Variants in PEX2 observed in about 807,000 individuals in gnomAD.
PEX2 encodes peroxisomal biogenesis factor 2.
In PEX2, 19 loss-of-function variants were observed where a neutral mutation model predicts 25.2. That is an observed-to-expected ratio of 0.75 (90% CI 0.53 to 1.10). PEX2 has a LOEUF of 1.10. Ranked by LOEUF, PEX2 falls within the 50% of genes least tolerant of loss-of-function variation. The pLI is 0.00. For missense variants in PEX2, 347 were observed against 350.6 expected, an observed-to-expected ratio of 0.99 and a Z score of 0.08; for synonymous variants, 141 against 127.7, an observed-to-expected ratio of 1.10 and a Z score of -0.70.
At chr8:76,999,575 T>C (rs1389923537) in intron 1 of PEX2, among the ~76,000 whole-genome samples, 1 of 152,254 alleles carries the variant, frequency 6.6e-6, no homozygotes, top group Non-Finnish European at 1.5e-5. Context: ...AAATTTTTTG[T>C]ACTACATATA....
Position 76,983,596 on chromosome 8 carries a change from G to A in PEX2, c.583C>T (p.Leu195Phe). 1 of 1,614,106 alleles carries A rather than the reference G, an allele frequency of 6.2e-7. No individual in the cohort carries two copies. The highest frequency in any genetic ancestry group is 8.5e-7 in the Non-Finnish European group (1 of 1,179,994). The stretch of plus-strand genomic sequence containing the variant: ...AATTCAGCAAAACCATGCCAGAGAA[G>A]TTCCCTATTCATGTATTCAAAGCCA... ...EVGFEYMNRELLWHGFAEFLI... is the reference protein window; with the variant it reads ...EVGFEYMNREFLWHGFAEFLI... Residue 195 changes from leucine to phenylalanine, a missense_variant, in exon 4 of 4, where the codon CTT becomes TTT. By Grantham distance (22) the Leu-to-Phe change is conservative. Transcript: ENST00000357039.
chr8:76,989,091 G>A (rs1034173673), intron 1 of PEX2, among the ~76,000 whole-genome samples: 11 of 151,742 alleles, frequency 7.2e-5, no homozygotes, highest in Admixed American at 3.9e-4. Context: ...ACGCAGGAGA[G>A]TTGCTTGAGT....
chr8:76,993,031 C>T (rs1807219222), intron 1 of PEX2, among the ~76,000 whole-genome samples: 1 of 152,156 alleles, frequency 6.6e-6, no homozygotes, highest in Non-Finnish European at 1.5e-5. Flanking sequence ...ATGAGTTGCA[C>T]CATGAGCTAC....
At position 76,980,446 on chromosome 8, in the gene PEX2, TAAG is replaced by T. The variant is rs1036793147; in HGVS notation, c.*2812_*2814del. On this transcript the variant is annotated 3_prime_UTR_variant, in exon 4 of 4. Coordinates refer to ENST00000357039, the MANE Select transcript of PEX2 (RefSeq NM_000318.3). ...AGAGATCTGCCAGCATCCACCCTTCTAAGAACACCTCAGTTTCCTGTGGTGAAC... is the reference window on the plus strand; with the variant it reads ...AGAGATCTGCCAGCATCCACCCTTCTAACACCTCAGTTTCCTGTGGTGAAC... The T allele has an allele frequency of 1.3e-5, 2 of 152,198 alleles. No homozygotes were observed. The highest frequency in any genetic ancestry group is 4.8e-5 in the African/African-American group (2 of 41,438). 9.4% of individuals were successfully genotyped at this position (152,198 alleles called of 1,614,324 possible).
In PEX2 at chr8:76,983,955, G is replaced by T. The variant is rs746486546; in HGVS notation, c.224C>A (p.Thr75Lys). 1 of 1,614,106 alleles carries T rather than the reference G, an allele frequency of 6.2e-7. No homozygotes were observed. The highest frequency in any genetic ancestry group is 1.1e-5 in the South Asian group (1 of 91,076). The part of the protein sequence containing the change: ...WRFTIYSKNA[T>K]VGQSVLNIKY... ...AATATTCAAAACTGACTGTCCCACTGTGGCATTTTTGGAGTAGATGGTGAA... is the reference window on the plus strand; with the variant it reads ...AATATTCAAAACTGACTGTCCCACTTTGGCATTTTTGGAGTAGATGGTGAA... The change falls in exon 4 of 4, where the codon ACA (threonine) becomes AAA (lysine). Residue 75 changes from threonine (T) to lysine (K), a missense_variant. Physicochemically the swap from Thr to Lys is moderately conservative, Grantham distance 78 (BLOSUM62 -1). Transcript: ENST00000357039.
chr8:76,995,646 T>C lies in PEX2; in HGVS notation c.-160+4344A>G, dbSNP rs374277724. Among the ~76,000 whole-genome samples the C allele has an allele frequency of 3.9e-5, 6 of 152,314 alleles. No individual in the cohort carries two copies. In the East Asian group the frequency reaches 1.2e-3, roughly 29 times the overall value. ...TAGCACAAAATACTTTTTTTAAACCTTAGAAAAGAATTTCCAATACTTGGG... is the reference window on the plus strand; with the variant it reads ...TAGCACAAAATACTTTTTTTAAACCCTAGAAAAGAATTTCCAATACTTGGG... On this transcript the variant is annotated intron_variant, in intron 1 of 3. Coordinates refer to ENST00000357039, the MANE Select transcript of PEX2 (RefSeq NM_000318.3).
chr8:76,982,741 G>A lies in PEX2; in HGVS notation c.*520C>T, dbSNP rs529676792. ...GGAGAATTGCTTGAACCCGGGAGGC[G>A]GACGTTGCAGTGAGCAGAGATCGCG... On this transcript the variant is annotated 3_prime_UTR_variant, in exon 4 of 4. Transcript: ENST00000357039. The A allele has an allele frequency of 7.1e-5, 11 of 155,036 alleles. No individual in the cohort carries two copies. The highest frequency in any genetic ancestry group is 1.3e-4 in the Admixed American group (2 of 15,436). 9.6% of individuals were successfully genotyped at this position (155,036 alleles called of 1,614,324 possible).
rs543956909 is a variant in PEX2 at position 76,992,396 on chromosome 8, C to T, written c.-159-4058G>A. Among the ~76,000 whole-genome samples the T allele has an allele frequency of 4.6e-5, 7 of 152,306 alleles. No homozygotes were observed. In the East Asian group the frequency reaches 1.2e-3, roughly 25 times the overall value. On this transcript the variant is annotated intron_variant, in intron 1 of 3. Coordinates refer to ENST00000357039, the MANE Select transcript of PEX2 (RefSeq NM_000318.3). Reference sequence around the variant, plus strand: ...GCAACAAACTTGTATTCATCACCAGCATATTACATTCAGTTCTTCCTCATC... The same window carrying T: ...GCAACAAACTTGTATTCATCACCAGTATATTACATTCAGTTCTTCCTCATC...
At chr8:76,987,831 A>G (rs916079341) in intron 2 of PEX2, 3 of 152,234 alleles carry the variant, frequency 2.0e-5, no homozygotes, top group Non-Finnish European at 2.9e-5. Flanking sequence ...CCCTGAAACA[A>G]GAAATACACG....
In PEX2 at chr8:76,984,033, A is replaced by C; in HGVS notation, c.146T>G (p.Leu49Ter). 6.2e-7 allele frequency: 1 copy of C among 1,613,512 alleles called. No individual in the cohort carries two copies. The highest frequency in any genetic ancestry group is 8.5e-7 in the Non-Finnish European group (1 of 1,179,594). Residue 49 changes from leucine to a stop codon, truncating the protein, a stop_gained, in exon 4 of 4, where the codon TTA becomes TGA. Coordinates refer to ENST00000357039, the MANE Select transcript of PEX2 (RefSeq NM_000318.3). LOFTEE classifies it high-confidence loss of function. ...QCFHGFKPGL[L>*]ARFEPEVKAC... ...TTTCACCTCTGGCTCAAAGCGAGCTAACAGCCCAGGTTTAAATCCATGAAA... is the reference window on the plus strand; with the variant it reads ...TTTCACCTCTGGCTCAAAGCGAGCTCACAGCCCAGGTTTAAATCCATGAAA...
At chr8:76,988,076 T>A (rs376567278) in intron 2 of PEX2, 2 of 152,230 alleles carry the variant, frequency 1.3e-5, no homozygotes, top group Admixed American at 1.3e-4. Flanking sequence ...ACAAGATAGA[T>A]CTTGTCTATT....
chr8:76,988,741 T>C (rs948727070), intron 1 of PEX2, among the ~76,000 whole-genome samples: 2 of 152,214 alleles, frequency 1.3e-5, no homozygotes, highest in African/African-American at 4.8e-5. Context: ...AGAGTAAACC[T>C]TCTTTCAAAA....
Position 76,981,262 on chromosome 8 carries a change from G to A in PEX2, c.*1999C>T, listed in dbSNP as rs55886246. 1 of 152,254 alleles carries A rather than the reference G, an allele frequency of 6.6e-6. No individual in the cohort carries two copies. Among genetic ancestry groups the A allele is most frequent in the African/African-American group, 2.4e-5 (1 of 41,448 alleles). The allele number at this position is 152,254 out of a possible 1,614,324, so 9.4% of individuals were successfully genotyped here. On this transcript the variant is annotated 3_prime_UTR_variant, in exon 4 of 4. Transcript: ENST00000357039. ...AGGGTAGGAGGACTGCTTGAGCCCA[G>A]AAGTTCAAGACCAGCCTGGGCAACA...
chr8:76,997,239 A>C (rs1807362107), intron 1 of PEX2, among the ~76,000 whole-genome samples: 1 of 152,226 alleles, frequency 6.6e-6, no homozygotes, highest in Non-Finnish European at 1.5e-5. Flanking sequence ...AGATGAGTGA[A>C]AAACTCAAGG....
At chr8:76,988,113 C>G (rs1265092566) in intron 2 of PEX2, 194 bp downstream of exon 2, 2 of 151,916 alleles carry the variant, frequency 1.3e-5, no homozygotes, top group Non-Finnish European at 2.9e-5. Flanking sequence ...TTCTTTGTAA[C>G]AACGTAATCT....
intron 1 of PEX2, among the ~76,000 whole-genome samples, chr8:76,994,399 A>C: frequency 6.6e-6 from 1 of 152,176 alleles, no homozygotes; most frequent in East Asian, 1.9e-4. Flanking sequence ...ATCTATCAAT[A>C]ATAATGTGGG....
At chr8:77,000,302 C>G (rs1807469686), upstream of PEX2, 1 of 299,768 alleles carries the variant, frequency 3.3e-6, no homozygotes, top group Non-Finnish European at 6.5e-6. Flanking sequence ...CGGAAGAACT[C>G]TGTCTCTGAT....
At chr8:76,990,562 G>A (rs889121176) in intron 1 of PEX2, among the ~76,000 whole-genome samples, 5 of 152,028 alleles carry the variant, frequency 3.3e-5, no homozygotes, top group African/African-American at 1.2e-4. Context: ...CACTTAAGAG[G>A]CCATTGTAGG....
chr8:76,985,457 C>G (rs1806975778), intron 3 of PEX2, among the ~76,000 whole-genome samples: 1 of 152,116 alleles, frequency 6.6e-6, no homozygotes, highest in African/African-American at 2.4e-5. Flanking sequence ...GAAGTGTCCT[C>G]ATCACACACA....
Sources: gnomAD v4.1 joint callset for allele counts (sites outside exome capture counted in the v4.1 genomes callset) on GRCh38, gnomAD v4.1.1 for gene constraint, MANE v1.5 for transcripts, NCBI Gene and HGNC (gene_info 2026-07-23, HGNC 2026-07-21) for gene names.